Variants in DOCK2 observed in about 807,000 individuals in gnomAD.
The protein encoded by DOCK2 is dedicator of cytokinesis 2.
Under a neutral mutation model 248.9 loss-of-function variants are expected in DOCK2, and 87 were observed. The observed-to-expected ratio is 0.35, with a 90% CI of 0.29 to 0.42. The LOEUF (loss-of-function observed/expected upper bound fraction) is 0.42, where lower values mean the gene tolerates loss of function less well. Ranked by LOEUF, DOCK2 falls within the 10% of genes least tolerant of loss-of-function variation. DOCK2 has a pLI of 1.00. For missense variants in DOCK2, 1,747 were observed against 2,300.2 expected (o/e 0.76, Z 4.92); for synonymous variants, 805 against 821.6 (o/e 0.98, Z 0.35).
At chr5:169,916,548 T>C (rs568611697) in intron 27 of DOCK2, among the ~76,000 whole-genome samples, 33 of 152,308 alleles carry the variant, frequency 2.2e-4, no homozygotes, top group African/African-American at 7.0e-4. Flanking sequence ...TTCCTGTGCC[T>C]CCCTTATTTA....
At chr5:169,992,971 G>A (rs1213903682) in intron 29 of DOCK2, among the ~76,000 whole-genome samples, 1 of 152,178 alleles carries the variant, frequency 6.6e-6, no homozygotes, top group Non-Finnish European at 1.5e-5. Flanking sequence ...TCATTAGGCT[G>A]GCCTTTGAGG....
chr5:169,947,093 A>C (rs560743106), intron 27 of DOCK2, among the ~76,000 whole-genome samples: 43 of 152,324 alleles, frequency 2.8e-4, no homozygotes, highest in African/African-American at 9.4e-4. Flanking sequence ...TTTACACAAC[A>C]CTATGACTCC....
chr5:169,992,959 G>C (rs1015625284), intron 29 of DOCK2, among the ~76,000 whole-genome samples: 3 of 152,092 alleles, frequency 2.0e-5, no homozygotes, highest in Non-Finnish European at 2.9e-5. Flanking sequence ...ATCAATTCGC[G>C]GTCATTAGGC....
At chr5:169,855,375 T>C (rs953693540) in intron 27 of DOCK2, among the ~76,000 whole-genome samples, 3 of 152,280 alleles carry the variant, frequency 2.0e-5, no homozygotes, top group African/African-American at 7.2e-5. Flanking sequence ...AAGTTACTGA[T>C]ATGTAGCAGC....
At chr5:169,702,029 T>G in intron 13 of DOCK2, 1 of 307,054 alleles carries the variant, frequency 3.3e-6, no homozygotes, top group Non-Finnish European at 6.2e-6. Context: ...AGGATGAAAA[T>G]TAAATGACTT....
At chr5:169,873,239 A>C (rs1291833417) in intron 27 of DOCK2, among the ~76,000 whole-genome samples, 1 of 152,232 alleles carries the variant, frequency 6.6e-6, no homozygotes, top group African/African-American at 2.4e-5. Flanking sequence ...AAAGCCATTC[A>C]AGAGAATCAG....
Position 170,082,911 on chromosome 5 carries a change from G to T in DOCK2, c.*53G>T. On this transcript the variant is annotated 3_prime_UTR_variant, in exon 52 of 52. Coordinates refer to ENST00000520908, the MANE Select transcript of DOCK2 (RefSeq NM_004946.3). ...GAGCCAGGGAGGGGAGTTTCTGGAA[G>T]AGGAAAGCCATGCGTGGAACATCGA... is the stretch of plus-strand genomic sequence containing the variant. The T allele has an allele frequency of 6.2e-7, 1 of 1,611,880 alleles. No individual in the cohort carries two copies. Among genetic ancestry groups the T allele is most frequent in the Non-Finnish European group, 8.5e-7 (1 of 1,178,194 alleles).
chr5:169,905,951 C>T (rs1774252048), intron 27 of DOCK2, among the ~76,000 whole-genome samples: 1 of 152,170 alleles, frequency 6.6e-6, no homozygotes, highest in Non-Finnish European at 1.5e-5. Flanking sequence ...ATGTCTGTTG[C>T]CTTCGTTCAG....
chr5:169,937,169 G>A (rs1776035657), intron 27 of DOCK2, among the ~76,000 whole-genome samples: 2 of 152,330 alleles, frequency 1.3e-5, no homozygotes, highest in South Asian at 4.1e-4. Context: ...TTGTATAGTT[G>A]TCCAGAGCTG....
chr5:169,796,956 T>G (rs1766691180), intron 25 of DOCK2, among the ~76,000 whole-genome samples: 1 of 152,148 alleles, frequency 6.6e-6, no homozygotes, highest in African/African-American at 2.4e-5. Flanking sequence ...TTGAAAAAAC[T>G]CATTCTGAGG....
At chr5:169,775,032 C>A (rs546519822) in intron 25 of DOCK2, among the ~76,000 whole-genome samples, 1 of 152,108 alleles carries the variant, frequency 6.6e-6, no homozygotes, top group Non-Finnish European at 1.5e-5. Context: ...CCTCAGCCCC[C>A]GGAGTAGCTG....
chr5:170,080,970 C>A, intron 50 of DOCK2: 1 of 152,696 alleles, frequency 6.5e-6, no homozygotes. Flanking sequence ...GCAGGCCGAT[C>A]ATGGTGAAGA....
chr5:169,674,136 A>G (rs1436745445), intron 5 of DOCK2, among the ~76,000 whole-genome samples, 161 bp from the exon 6 acceptor site: 1 of 152,192 alleles, frequency 6.6e-6, no homozygotes, highest in Non-Finnish European at 1.5e-5. Flanking sequence ...AAATACATCA[A>G]CGACTAGGAC....
intron 34 of DOCK2, among the ~76,000 whole-genome samples, chr5:170,031,724 T>C (rs919507494): frequency 6.6e-6 from 1 of 152,206 alleles, no homozygotes; most frequent in African/African-American, 2.4e-5. Context: ...GGATAGTGGA[T>C]GGATGGGTCA....
rs1417411036 is a variant in DOCK2 at position 170,080,289 on chromosome 5, C to T, written c.5287+6C>T. The stretch of plus-strand genomic sequence containing the variant: ...GTCCATGCCTACCATCCCAGGTATG[C>T]CCCCTGCTGCCACCAGCATGAGGGA... On this transcript the variant is annotated splice_donor_region_variant and intron_variant, in intron 50 of 51. Coordinates refer to ENST00000520908, the MANE Select transcript of DOCK2 (RefSeq NM_004946.3). The T allele has an allele frequency of 6.2e-7, 1 of 1,613,946 alleles. No homozygotes were observed. The highest frequency in any genetic ancestry group is 8.5e-7 in the Non-Finnish European group (1 of 1,179,890).
intron 15 of DOCK2, among the ~76,000 whole-genome samples, chr5:169,710,122 G>A (rs969483334): frequency 1.3e-5 from 2 of 152,224 alleles, no homozygotes; most frequent in Admixed American, 6.5e-5. Flanking sequence ...GGGACATAGA[G>A]TGACAGAAAA....
chr5:169,840,679 C>T, intron 26 of DOCK2, 78 bp from the exon 27 acceptor site: 1 of 1,338,374 alleles, frequency 7.5e-7, no homozygotes, highest in Non-Finnish European at 1.1e-6. Context: ...TGTCTGACCA[C>T]TGTTGTCTGT....
At chr5:169,806,539 G>A (rs1767373787) in intron 26 of DOCK2, among the ~76,000 whole-genome samples, 1 of 152,098 alleles carries the variant, frequency 6.6e-6, no homozygotes, top group African/African-American at 2.4e-5. Context: ...TTTAAAACCT[G>A]AAAGTCAAGC....
intron 27 of DOCK2, among the ~76,000 whole-genome samples, chr5:169,874,234 G>A (rs902737024): frequency 9.2e-5 from 14 of 151,994 alleles, no homozygotes; most frequent in African/African-American, 3.4e-4. Flanking sequence ...CCAACATGGT[G>A]AAACCCCGTC....
Sources: allele counts gnomAD v4.1 joint callset (sites outside exome capture counted in the v4.1 genomes callset), GRCh38; gene constraint gnomAD v4.1.1; transcripts MANE v1.5; gene names NCBI Gene and HGNC (gene_info 2026-07-23, HGNC 2026-07-21).